The following LPL variants were observed in gnomAD, a reference collection of about 807,000 sequenced individuals.
The protein encoded by LPL is phospholipase A1.
In LPL, 43 loss-of-function variants were observed where a neutral mutation model predicts 52.2. That is an observed-to-expected ratio of 0.82 (90% confidence interval 0.64 to 1.06). LPL has a LOEUF of 1.06. Among genes scored for constraint, LPL ranks in the 50% least tolerant of loss-of-function variants. LPL has a pLI of 0.00. For synonymous variants in LPL, 244 were observed against 215.6 expected, an observed-to-expected ratio of 1.13 and a Z score of -1.15; for missense variants, 639 against 585.3, an observed-to-expected ratio of 1.09 and a Z score of -0.95.
intron 7 of LPL, among the ~76,000 whole-genome samples, chr8:19,959,585 T>A (rs2070019022): frequency 1.3e-5 from 2 of 152,180 alleles, no homozygotes; most frequent in Admixed American, 1.3e-4. Flanking sequence ...TTACTAGTTA[T>A]ATTTTTTTAT....
At chr8:19,964,556 G>A (rs919475676) in intron 9 of LPL, among the ~76,000 whole-genome samples, 13 of 152,120 alleles carry the variant, frequency 8.5e-5, no homozygotes, top group African/African-American at 2.9e-4. Context: ...TTTTGAGACA[G>A]TCTCGTTCTG....
rs753632194 is a variant in LPL at position 19,953,389 on chromosome 8, G to A, written c.509G>A (p.Ser170Asn). Residue 170 changes from serine (S) to asparagine (N), a missense_variant, in exon 4 of 10, where the codon AGT (serine) becomes AAT (asparagine). Physicochemically the swap from Ser to Asn is conservative, Grantham distance 46. Transcript: ENST00000650287. ...LGAHAAGIAG[S>N]LTNKKVNRIT... ...GCCCATGCTGCTGGCATTGCAGGAA[G>A]TCTGACCAATAAGAAAGTCAACAGA... The A allele has an allele frequency of 1.2e-6, 2 of 1,613,878 alleles. No homozygotes were observed. Among genetic ancestry groups the A allele is most frequent in the African/African-American group, 2.7e-5 (2 of 74,932 alleles).
rs771650764 is a variant in LPL, at chr8:19,965,451, C to G, written c.*141C>G. The G allele has an allele frequency of 1.5e-6, 1 of 671,916 alleles. No homozygotes were observed. Among genetic ancestry groups the G allele is most frequent in the Non-Finnish European group, 2.7e-6 (1 of 367,322 alleles). The allele number at this position is 671,916 out of a possible 1,614,324, so 41.6% of individuals were successfully genotyped here. A position where few individuals can be genotyped will look rare whatever the true frequency, so the allele number is the denominator to read the frequency against. ...CCTGAATATTAATCCCAGCCCTACC[C>G]TTGTTAGTTATTTTAGGAGACAGTC... On this transcript the variant is annotated 3_prime_UTR_variant, in exon 10 of 10. Transcript: ENST00000650287.
chr8:19,955,304 A>C (rs548552667), intron 5 of LPL, among the ~76,000 whole-genome samples: 1 of 152,284 alleles, frequency 6.6e-6, no homozygotes, highest in East Asian at 1.9e-4. Flanking sequence ...ATTGTCCCTA[A>C]CTTACAGTTT....
intron 7 of LPL, among the ~76,000 whole-genome samples, chr8:19,960,436 C>A (rs774025593): frequency 4.6e-5 from 7 of 152,024 alleles, no homozygotes; most frequent in Non-Finnish European, 7.4e-5. Context: ...GTAAATGAAT[C>A]GTGGTTTATC....
At chr8:19,949,114 A>G (rs2069909690) in intron 2 of LPL, among the ~76,000 whole-genome samples, 1 of 152,208 alleles carries the variant, frequency 6.6e-6, no homozygotes. Context: ...TTCAATCCCA[A>G]GTGAGTAGAC....
Position 19,948,268 on chromosome 8 carries a change from A to G in LPL, c.177A>G (p.Gly59=). The change falls in exon 2 of 10, where the codon GGA becomes GGG. Residue 59 remains glycine (G), a synonymous_variant. Transcript: ENST00000650287. The part of the protein sequence containing the change: ...TAEDTCHLIP[G]VAESVATCHF... Reference sequence around the variant, plus strand: ...AGGACACTTGCCACCTCATTCCCGGAGTAGCAGAGTCCGTGGCTACCTGTC... The same window carrying G: ...AGGACACTTGCCACCTCATTCCCGGGGTAGCAGAGTCCGTGGCTACCTGTC... 1.9e-6 allele frequency: 3 copies of G among 1,614,126 alleles called. No homozygotes were observed. In the East Asian group the frequency reaches 6.7e-5, roughly 36 times the overall value.
intron 3 of LPL, 68 bp downstream of exon 3, chr8:19,952,016 G>C: frequency 1.3e-6 from 2 of 1,544,632 alleles, no homozygotes; most frequent in Non-Finnish European, 8.9e-7. Flanking sequence ...AAAACCGGCT[G>C]TTCTTTCTTC....
chr8:19,961,053 T>C lies in LPL; in HGVS notation c.1292T>C (p.Ile431Thr). Residue 431 changes from isoleucine (I) to threonine (T), a missense_variant, in exon 8 of 10, where the codon ATC becomes ACC. Transcript: ENST00000650287. The part of the protein sequence containing the change: ...WSSPGFAIQK[I>T]RVKAGETQKK... ...AGTCCCGGCTTCGCCATTCAGAAGA[T>C]CAGAGTAAAAGCAGGAGAGACTCAG... 1 of 1,614,112 alleles carries C rather than the reference T, an allele frequency of 6.2e-7. No individual in the cohort carries two copies. The highest frequency in any genetic ancestry group is 8.5e-7 in the Non-Finnish European group (1 of 1,180,028).
At chr8:19,953,067 C>A (rs573572191) in intron 3 of LPL, among the ~76,000 whole-genome samples, 34 of 152,044 alleles carry the variant, frequency 2.2e-4, no homozygotes, top group African/African-American at 7.5e-4. Context: ...TAATTTAAAT[C>A]TGCTATTAAA....
intron 9 of LPL, among the ~76,000 whole-genome samples, chr8:19,964,882 T>C (rs1479728385): frequency 6.6e-6 from 1 of 152,194 alleles, no homozygotes; most frequent in African/African-American, 2.4e-5. Flanking sequence ...AATTATAAAT[T>C]AGACTAATAA....
chr8:19,961,098 T>A lies in LPL; in HGVS notation c.1322+15T>A, dbSNP rs200459310. The A allele has an allele frequency of 1.7e-5, 28 of 1,612,554 alleles. No individual in the cohort carries two copies. In the East Asian group the frequency reaches 3.1e-4, roughly 18 times the overall value. ...ACTCAGAAAAAGTAATTAAATGTAT[T>A]TTTCTTCCTTCACTTTAGACCCCCA... On this transcript the variant is annotated intron_variant, in intron 8 of 9. Transcript: ENST00000650287.
At chr8:19,965,099 G>T (rs987315589) in intron 9 of LPL, among the ~76,000 whole-genome samples, 1 of 150,986 alleles carries the variant, frequency 6.6e-6, no homozygotes, top group Non-Finnish European at 1.5e-5. Context: ...TTATTGGGAC[G>T]GGGCTAAATA....
intron 1 of LPL, among the ~76,000 whole-genome samples, chr8:19,940,542 G>A (rs1295651987): frequency 1.3e-5 from 2 of 152,252 alleles, no homozygotes; most frequent in African/African-American, 4.8e-5. Flanking sequence ...GAGGCAGCCT[G>A]CTTAATTCGA....
At chr8:19,948,798 T>C (rs1446109671) in intron 2 of LPL, among the ~76,000 whole-genome samples, 1 of 152,152 alleles carries the variant, frequency 6.6e-6, no homozygotes, top group African/African-American at 2.4e-5. Flanking sequence ...TCCAGCTCTG[T>C]GCTGTGGATC....
At chr8:19,963,600 C>T (rs943062186) in intron 9 of LPL, among the ~76,000 whole-genome samples, 1 of 152,130 alleles carries the variant, frequency 6.6e-6, no homozygotes, top group Non-Finnish European at 1.5e-5. Flanking sequence ...GACCATATCA[C>T]TCAGAGACAA....
Position 19,947,717 on chromosome 8 carries a change from G to T in LPL, c.89-463G>T, listed in dbSNP as rs187596333. ...ACTATAGCACACAAGAGCCATGCAT[G>T]AGTCAGTGTTCTCCACGAAAGCAAG... On this transcript the variant is annotated intron_variant, in intron 1 of 9. Transcript: ENST00000650287. Among the ~76,000 whole-genome samples, 275 of 130,846 alleles carry T rather than the reference G, an allele frequency of 2.1e-3. 3 individuals carry two copies. Among genetic ancestry groups the T allele is most frequent in the African/African-American group, 7.5e-3 (262 of 35,060 alleles). The allele number at this position is 130,846 out of a possible 152,430, so 85.8% of individuals were successfully genotyped here. A position where few individuals can be genotyped will look rare whatever the true frequency, so the allele number is the denominator to read the frequency against.
Position 19,944,825 on chromosome 8 carries a change from G to C in LPL, c.89-3355G>C, listed in dbSNP as rs1410642596. 6.6e-6 allele frequency among the ~76,000 whole-genome samples: 1 copy of C among 152,196 alleles called. No individual in the cohort carries two copies. The highest frequency in any genetic ancestry group is 2.4e-5 in the African/African-American group (1 of 41,442). ...GAATAAAGATTCCATAGTCAGGAAAGGCACAATTTATAACTTGCGTGTTAC... is the reference window on the plus strand; with the variant it reads ...GAATAAAGATTCCATAGTCAGGAAACGCACAATTTATAACTTGCGTGTTAC... On this transcript the variant is annotated intron_variant, in intron 1 of 9. Coordinates refer to ENST00000650287, the MANE Select transcript of LPL (RefSeq NM_000237.3). The surrounding 1 kb of genome is among the most constrained non-coding windows in gnomAD (Gnocchi z 4.2).
chr8:19,941,323 T>C (rs550164680), intron 1 of LPL, among the ~76,000 whole-genome samples: 18 of 152,206 alleles, frequency 1.2e-4, no homozygotes, highest in African/African-American at 4.1e-4. Flanking sequence ...AAGCACACCA[T>C]AGAATAACGT....
Sources: gnomAD v4.1 joint callset for allele counts (sites outside exome capture counted in the v4.1 genomes callset) on GRCh38, gnomAD v4.1.1 for gene constraint, Gnocchi (gnomAD v3.1) non-coding constraint, MANE v1.5 for transcripts, NCBI Gene and HGNC (gene_info 2026-07-23, HGNC 2026-07-21) for gene names.